GULP1: variants seen among roughly 807,000 people sequenced by gnomAD.
GULP1 encodes PTB domain-containing engulfment adapter protein 1.
In GULP1, 19 loss-of-function variants were observed where a neutral mutation model predicts 40.9. The observed-to-expected ratio is 0.46, with a 90% confidence interval of 0.32 to 0.68. The LOEUF (loss-of-function observed/expected upper bound fraction) is 0.68. Ranked by LOEUF, GULP1 falls within the 30% of genes least tolerant of loss-of-function variation. The pLI is 0.03. For missense variants in GULP1, 312 were observed against 362.2 expected, an observed-to-expected ratio of 0.86 and a Z score of 1.12; for synonymous variants, 119 against 117.6, an observed-to-expected ratio of 1.01 and a Z score of -0.08.
chr2:188,419,073 T>A (rs2054992699), intron 2 of GULP1, among the ~76,000 whole-genome samples: 1 of 152,188 alleles, frequency 6.6e-6, no homozygotes, highest in Admixed American at 6.5e-5. Context: ...TTAGAGTTAT[T>A]TTTAAACGTA....
At chr2:188,293,959 T>C (rs1009344499) in intron 1 of GULP1, 9 of 152,154 alleles carry the variant, frequency 5.9e-5, no homozygotes, top group African/African-American at 2.2e-4. Flanking sequence ...ATCAGTCTTC[T>C]TGGCAAAAAA....
intron 1 of GULP1, among the ~76,000 whole-genome samples, chr2:188,332,332 G>A (rs2041713310): frequency 6.6e-6 from 1 of 151,810 alleles, no homozygotes; most frequent in South Asian, 2.1e-4. Flanking sequence ...TGGGACTACA[G>A]GCATGTGCCA....
chr2:188,475,968 C>T (rs1316656574), intron 2 of GULP1, among the ~76,000 whole-genome samples: 1 of 152,082 alleles, frequency 6.6e-6, no homozygotes, highest in African/African-American at 2.4e-5. Context: ...CAGCCAGCCT[C>T]TTGAAAGGAC....
At chr2:188,326,575 T>C (rs1260621838) in intron 1 of GULP1, among the ~76,000 whole-genome samples, 1 of 152,122 alleles carries the variant, frequency 6.6e-6, no homozygotes, top group Non-Finnish European at 1.5e-5. Context: ...GAGCTAGTGG[T>C]ATAGCTGTGG....
chr2:188,534,563 A>C (rs978377617), intron 6 of GULP1, among the ~76,000 whole-genome samples: 1 of 152,088 alleles, frequency 6.6e-6, no homozygotes, highest in Non-Finnish European at 1.5e-5. Context: ...TGATGGGACT[A>C]TTTTTACCCA....
intron 1 of GULP1, among the ~76,000 whole-genome samples, chr2:188,376,250 C>A (rs1347331759): frequency 6.6e-6 from 1 of 152,158 alleles, no homozygotes; most frequent in Non-Finnish European, 1.5e-5. Flanking sequence ...TAGACAAATA[C>A]AATTTTAATC....
intron 1 of GULP1, among the ~76,000 whole-genome samples, chr2:188,379,868 C>T (rs754567079): frequency 2.0e-5 from 3 of 152,144 alleles, no homozygotes; most frequent in Non-Finnish European, 4.4e-5. Context: ...CTTTGCCATC[C>T]GTGGCTTTCC....
intron 1 of GULP1, among the ~76,000 whole-genome samples, chr2:188,353,049 A>G (rs940268620): frequency 1.3e-5 from 2 of 152,182 alleles, no homozygotes; most frequent in African/African-American, 2.4e-5. Context: ...CTTATGATAA[A>G]CTATAAACCT....
At chr2:188,334,855 G>T (rs1465185522) in intron 1 of GULP1, among the ~76,000 whole-genome samples, 1 of 152,178 alleles carries the variant, frequency 6.6e-6, no homozygotes, top group Non-Finnish European at 1.5e-5. Context: ...TAGCAAGAGA[G>T]AAACTTATTA....
At chr2:188,498,679 A>C (rs1012715005) in intron 4 of GULP1, among the ~76,000 whole-genome samples, 1 of 151,890 alleles carries the variant, frequency 6.6e-6, no homozygotes, top group African/African-American at 2.4e-5. Flanking sequence ...TAGGATGACT[A>C]TAAATAAAAA....
chr2:188,351,734 A>G (rs2044473111), intron 1 of GULP1, among the ~76,000 whole-genome samples: 1 of 152,200 alleles, frequency 6.6e-6, no homozygotes, highest in Non-Finnish European at 1.5e-5. Flanking sequence ...GAACATCCAA[A>G]TGTAATCATA....
At chr2:188,503,926 T>C (rs562999822) in intron 4 of GULP1, among the ~76,000 whole-genome samples, 1 of 152,034 alleles carries the variant, frequency 6.6e-6, no homozygotes, top group Admixed American at 6.6e-5. Context: ...CCTACCTGTA[T>C]CCTAACTCTT....
rs866664176 is a variant in GULP1, at chr2:188,482,377, T to C, written c.29-1054T>C. Among the ~76,000 whole-genome samples, 6 of 152,086 alleles carry C rather than the reference T, an allele frequency of 3.9e-5. No individual in the cohort carries two copies. The South Asian group carries it at 1.0e-3, about 26-fold the overall frequency. The stretch of plus-strand genomic sequence containing the variant: ...AATGTTGAAACTACTTTGTTAGTAA[T>C]ACAATATTTCCTTCCAGTTTGTATT... On this transcript the variant is annotated intron_variant, in intron 3 of 11. Coordinates refer to ENST00000409830, the MANE Select transcript of GULP1 (RefSeq NM_016315.4).
At position 188,461,721 on chromosome 2, in the gene GULP1, C is replaced by T. The variant is rs2059723678; in HGVS notation, c.-44-15938C>T. Among the ~76,000 whole-genome samples, 3 of 151,996 alleles carry T rather than the reference C, an allele frequency of 2.0e-5. No individual in the cohort carries two copies. In the Admixed American group the frequency reaches 2.0e-4, roughly 10 times the overall value. ...TATGTGTCTAGGAATTTGTCCATTT[C>T]TTCTAGACATAGTAGCTCATAGTAG... On this transcript the variant is annotated intron_variant, in intron 2 of 11. Coordinates refer to ENST00000409830, the MANE Select transcript of GULP1 (RefSeq NM_016315.4).
rs773746742 is a variant in GULP1 at position 188,352,608 on chromosome 2, T to TCCCACACA, written c.-171-31154_-171-31153insCCACACAC. Among the ~76,000 whole-genome samples, 24 of 43,440 alleles carry TCCCACACA rather than the reference T, an allele frequency of 5.5e-4. No individual in the cohort carries two copies. In the East Asian group the frequency reaches 0.012, roughly 22 times the overall value. The allele number at this position is 43,440 out of a possible 152,430, so 28.5% of individuals were successfully genotyped here. A position where few individuals can be genotyped will look rare whatever the true frequency, so the allele number is the denominator to read the frequency against. On this transcript the variant is annotated intron_variant, in intron 1 of 11. Coordinates refer to ENST00000409830, the MANE Select transcript of GULP1 (RefSeq NM_016315.4). ...CACTTGTTCTTGCTCTCTTTCTCTC[T>TCCCACACA]CTCTCTCTCTCACACACACACACAC...
intron 1 of GULP1, among the ~76,000 whole-genome samples, chr2:188,342,684 T>C (rs929499870): frequency 6.6e-6 from 1 of 152,200 alleles, no homozygotes; most frequent in Non-Finnish European, 1.5e-5. Context: ...TTTAAGTGTG[T>C]TTTATAGAAG....
At chr2:188,467,056 T>TC (rs994766686) in intron 2 of GULP1, among the ~76,000 whole-genome samples, 3 of 151,908 alleles carry the variant, frequency 2.0e-5, no homozygotes, top group African/African-American at 7.3e-5. Context: ...TGGTCAGGTT[T>TC]CCCTTAGAAG....
At chr2:188,434,331 T>G (rs1328718278) in intron 2 of GULP1, among the ~76,000 whole-genome samples, 1 of 151,888 alleles carries the variant, frequency 6.6e-6, no homozygotes, top group Non-Finnish European at 1.5e-5. Context: ...CTTTTTCTTT[T>G]TTTTTTAATT....
intron 4 of GULP1, among the ~76,000 whole-genome samples, chr2:188,502,092 T>C (rs1214968260): frequency 6.6e-6 from 1 of 151,936 alleles, no homozygotes; most frequent in Non-Finnish European, 1.5e-5. Context: ...AGTCATGCTT[T>C]ATTAGAATTA....
Sources: gnomAD v4.1 joint callset for allele counts (sites outside exome capture counted in the v4.1 genomes callset) on GRCh38, gnomAD v4.1.1 for gene constraint, MANE v1.5 for transcripts, NCBI Gene and HGNC (gene_info 2026-07-23, HGNC 2026-07-21) for gene names.